GABRP: variants seen among roughly 807,000 people sequenced by gnomAD.
GABRP encodes gamma-aminobutyric acid receptor subunit pi.
In GABRP, 52 loss-of-function variants were observed where a neutral mutation model predicts 47.8. The ratio of observed to expected loss-of-function variants is 1.09; its 90% CI spans 0.87 to 1.37. The LOEUF (loss-of-function observed/expected upper bound fraction) is 1.37. Ranked by LOEUF, GABRP falls within the 40% of genes most tolerant of loss-of-function variation. GABRP has a pLI of 0.00. For synonymous variants in GABRP, 221 were observed against 205.8 expected, an observed-to-expected ratio of 1.07 and a Z score of -0.63; for missense variants, 525 against 542.8, an observed-to-expected ratio of 0.97 and a Z score of 0.33.
At chr5:170,785,106 C>G (rs780968660) in intron 1 of GABRP, among the ~76,000 whole-genome samples, 13 of 152,220 alleles carry the variant, frequency 8.5e-5, no homozygotes, top group Non-Finnish European at 1.8e-4. Context: ...CATAAATAGC[C>G]ACTTAACGAT....
At chr5:170,786,874 G>C (rs916715010) in intron 1 of GABRP, among the ~76,000 whole-genome samples, 3 of 152,142 alleles carry the variant, frequency 2.0e-5, no homozygotes, top group Non-Finnish European at 4.4e-5. Flanking sequence ...TTTTGATATA[G>C]AGATATATAT....
At chr5:170,796,048 G>A (rs1007832574) in intron 5 of GABRP, among the ~76,000 whole-genome samples, 12 of 152,182 alleles carry the variant, frequency 7.9e-5, no homozygotes, top group Admixed American at 3.3e-4. Flanking sequence ...AATGGAGCCG[G>A]GTTGGATGGA....
At chr5:170,783,663 G>A (rs1718934037), upstream of GABRP, 2 of 152,188 alleles carry the variant, frequency 1.3e-5, no homozygotes. Flanking sequence ...GGCTTTGAGA[G>A]GCTCCGCCCA....
At chr5:170,794,112 A>C (rs1014932590) in intron 3 of GABRP, 119 bp from the exon 4 acceptor site, 5 of 548,922 alleles carry the variant, frequency 9.1e-6, no homozygotes, top group Non-Finnish European at 1.5e-5. Context: ...AGAATATTTA[A>C]ATTTTTCTAA....
rs186920070 is a variant in GABRP at position 170,798,107 on chromosome 5, T to A, written c.541+559T>A. Among the ~76,000 whole-genome samples the A allele has an allele frequency of 6.2e-3, 951 of 152,348 alleles. 9 individuals are homozygous for A. The highest frequency in any genetic ancestry group is 0.021 in the African/African-American group (886 of 41,590). On this transcript the variant is annotated intron_variant, in intron 6 of 9. Transcript: ENST00000265294. ...CCCAAGCTGGACTGTGGTGGCGCGA[T>A]CTCGGCTCACTGCAAGCTCTGCCTC...
In GABRP at chr5:170,795,307, T is replaced by C. The variant is rs1765397013; in HGVS notation, c.340T>C (p.Phe114Leu). 2 of 1,613,444 alleles carry C rather than the reference T, an allele frequency of 1.2e-6. No homozygotes were observed. The highest frequency in any genetic ancestry group is 8.5e-7 in the Non-Finnish European group (1 of 1,179,830). ...SFTLDARLVE[F>L]LWVPDTYIVE... ...CACTCTGGATGCCCGCCTCGTGGAG[T>C]TCCTCTGGGTGCCAGATACTTACAT... The change falls in exon 5 of 10, where the codon TTC (phenylalanine) becomes CTC (leucine). Residue 114 changes from phenylalanine (F) to leucine (L), a missense_variant. Coordinates refer to ENST00000265294, the MANE Select transcript of GABRP (RefSeq NM_014211.3).
At chr5:170,807,493 G>T (rs925520018) in intron 7 of GABRP, among the ~76,000 whole-genome samples, 12 of 152,180 alleles carry the variant, frequency 7.9e-5, no homozygotes, top group Admixed American at 6.5e-5. Flanking sequence ...TTGATTCTAA[G>T]GTTTGCTTGT....
chr5:170,811,329 A>G (rs1249208452), intron 9 of GABRP, among the ~76,000 whole-genome samples: 1 of 151,354 alleles, frequency 6.6e-6, no homozygotes, highest in East Asian at 2.0e-4. Context: ...CTACACTCCC[A>G]CATTCCTGGG....
chr5:170,811,895 A>G, intron 9 of GABRP, 61 bp from the exon 10 acceptor site: 1 of 1,454,454 alleles, frequency 6.9e-7, no homozygotes, highest in Non-Finnish European at 9.5e-7. Context: ...TTAGCTCATT[A>G]CCTACTTATT....
chr5:170,798,203 G>A (rs572923617), intron 6 of GABRP, among the ~76,000 whole-genome samples: 6 of 152,200 alleles, frequency 3.9e-5, no homozygotes, highest in East Asian at 1.9e-4. Context: ...CACCACGCCC[G>A]GCTAATTTTT....
chr5:170,809,837 A>G lies in GABRP; in HGVS notation c.1020+82A>G, dbSNP rs1187487440. 3.0e-6 allele frequency: 4 copies of G among 1,318,272 alleles called. No individual in the cohort carries two copies. The South Asian group carries it at 5.4e-5, about 18-fold the overall frequency. The allele number at this position is 1,318,272 out of a possible 1,614,324, so 81.7% of individuals were successfully genotyped here. On this transcript the variant is annotated intron_variant, in intron 9 of 9. Coordinates refer to ENST00000265294, the MANE Select transcript of GABRP (RefSeq NM_014211.3). ...TAGACATGGGCTGGACCTGGCTTCTATCCCCACCCCACCCGCAGTGATTCC... is the reference window on the plus strand; with the variant it reads ...TAGACATGGGCTGGACCTGGCTTCTGTCCCCACCCCACCCGCAGTGATTCC...
rs1318184644 is a variant in GABRP, at chr5:170,788,596, G to C, written c.-20G>C. 3 of 1,613,714 alleles carry C rather than the reference G, an allele frequency of 1.9e-6. No homozygotes were observed. Among genetic ancestry groups the C allele is most frequent in the East Asian group, 4.5e-5 (2 of 44,868 alleles). On this transcript the variant is annotated 5_prime_UTR_variant, in exon 2 of 10. Coordinates refer to ENST00000265294, the MANE Select transcript of GABRP (RefSeq NM_014211.3). ...CAGGTGATTCCTACTTCAGCCCCTT[G>C]GTGTGAGCAGCTTCTCAACATGAAC...
At chr5:170,797,905 C>T (rs1765474268) in intron 6 of GABRP, among the ~76,000 whole-genome samples, 1 of 152,248 alleles carries the variant, frequency 6.6e-6, no homozygotes, top group Admixed American at 6.5e-5. Flanking sequence ...TTTACTGACA[C>T]ACAGTCGTGC....
In GABRP at chr5:170,809,689, TG is replaced by T. The variant is rs1298595954; in HGVS notation, c.958del (p.Ala320ProfsTer3). On this transcript the variant is annotated frameshift_variant, in exon 9 of 10. Coordinates refer to ENST00000265294, the MANE Select transcript of GABRP (RefSeq NM_014211.3). LOFTEE classifies it high-confidence loss of function. ...YLGICFSFVF[G>X]ALLEYAVAHY... Reference sequence around the variant, plus strand: ...TGGGGATCTGCTTTAGCTTTGTGTTTGGGGCCTTGCTAGAATATGCAGTTGC... The same window carrying T: ...TGGGGATCTGCTTTAGCTTTGTGTTTGGGCCTTGCTAGAATATGCAGTTGC... 6.2e-7 allele frequency: 1 copy of T among 1,613,560 alleles called. No individual in the cohort carries two copies. The highest frequency in any genetic ancestry group is 8.5e-7 in the Non-Finnish European group (1 of 1,179,714).
chr5:170,809,894 G>A, intron 9 of GABRP, 139 bp downstream of exon 9: 1 of 823,586 alleles, frequency 1.2e-6, no homozygotes, highest in Non-Finnish European at 2.0e-6. Flanking sequence ...CCTTGTTCAG[G>A]TGGGAGCAGC....
At chr5:170,799,280 C>A (rs1335528648) in intron 6 of GABRP, among the ~76,000 whole-genome samples, 2 of 152,106 alleles carry the variant, frequency 1.3e-5, no homozygotes, top group Admixed American at 1.3e-4. Flanking sequence ...ATTTATATTC[C>A]TTTGTGTATA....
chr5:170,809,511 C>A (rs1765825574), intron 8 of GABRP, 57 bp from the exon 9 acceptor site: 4 of 1,551,774 alleles, frequency 2.6e-6, no homozygotes, highest in Non-Finnish European at 3.6e-6. Context: ...CTCTGCCAGG[C>A]TATGGTGGAG....
chr5:170,789,575 T>A (rs940330703), intron 3 of GABRP, among the ~76,000 whole-genome samples: 2 of 152,112 alleles, frequency 1.3e-5, no homozygotes, highest in African/African-American at 2.4e-5. Flanking sequence ...GGCTACCCCA[T>A]CTGGTCTTCC....
At chr5:170,785,899 G>A (rs1400333148) in intron 1 of GABRP, among the ~76,000 whole-genome samples, 1 of 152,190 alleles carries the variant, frequency 6.6e-6, no homozygotes, top group Admixed American at 6.5e-5. Context: ...CATTTGGAGG[G>A]CCCCCACTCT....
Sources: allele counts gnomAD v4.1 joint callset (sites outside exome capture counted in the v4.1 genomes callset), GRCh38; gene constraint gnomAD v4.1.1; transcripts MANE v1.5; gene names NCBI Gene and HGNC (gene_info 2026-07-23, HGNC 2026-07-21).